PPHLN1: variants seen among roughly 807,000 people sequenced by gnomAD.
PPHLN1 encodes periphilin 1.
A neutral mutation model predicts 51.3 loss-of-function variants in PPHLN1; 29 were observed. The observed-to-expected ratio is 0.57, with a 90% CI of 0.42 to 0.77. The LOEUF (loss-of-function observed/expected upper bound fraction) is 0.77, where lower values mean the gene tolerates loss of function less well. PPHLN1 is among the 30% of genes least tolerant of loss of function. The pLI, the probability that PPHLN1 is intolerant of heterozygous loss-of-function variation, is 0.00. For synonymous variants in PPHLN1, 147 were observed against 147.8 expected (o/e 0.99, Z 0.04); for missense variants, 436 against 438.4 (o/e 0.99, Z 0.05).
Position 42,441,526 on chromosome 12 carries a change from T to TAAAAA in PPHLN1, c.*28_*32dup. On this transcript the variant is annotated 3_prime_UTR_variant, in exon 10 of 10. Transcript: ENST00000358314. ...CCTTTTTAGATTTTTCTGCTCAGGCTAAAAAAAAAAAAAAACAGTTTCTAA... is the reference window on the plus strand; with the variant it reads ...CCTTTTTAGATTTTTCTGCTCAGGCTAAAAAAAAAAAAAAAAAAAACAGTTTCTAA... 1 of 1,346,982 alleles carries TAAAAA rather than the reference T, an allele frequency of 7.4e-7. No homozygotes were observed. The highest frequency in any genetic ancestry group is 9.7e-7 in the Non-Finnish European group (1 of 1,030,722). The allele number at this position is 1,346,982 out of a possible 1,614,324, so 83.4% of individuals were successfully genotyped here.
intron 8 of PPHLN1, among the ~76,000 whole-genome samples, chr12:42,398,337 A>G (rs1358857114): frequency 1.3e-5 from 2 of 152,198 alleles, no homozygotes; most frequent in South Asian, 2.1e-4. Context: ...CTTTTCTCAT[A>G]TTCCCTTTAA....
chr12:42,374,743 C>T (rs548986381), intron 4 of PPHLN1, 120 bp from the exon 5 acceptor site: 78 of 829,662 alleles, frequency 9.4e-5, no homozygotes, highest in African/African-American at 6.9e-4. Flanking sequence ...CGTGAGTCAC[C>T]GCACCCGGCC....
chr12:42,385,209 A>G (rs1479106226), intron 6 of PPHLN1, among the ~76,000 whole-genome samples: 4 of 152,188 alleles, frequency 2.6e-5, no homozygotes, highest in Non-Finnish European at 5.9e-5. Context: ...ATTCTGTAGG[A>G]GGCTGAGATC....
At chr12:42,438,177 A>G (rs537848337) in intron 9 of PPHLN1, among the ~76,000 whole-genome samples, 1 of 152,296 alleles carries the variant, frequency 6.6e-6, no homozygotes, top group African/African-American at 2.4e-5. Flanking sequence ...ACTTATTTGG[A>G]TAAATACTTA....
rs535563332 is a variant in PPHLN1 at position 42,399,555 on chromosome 12, A to G, written c.909+561A>G. On this transcript the variant is annotated intron_variant, in intron 9 of 9. Coordinates refer to ENST00000358314, the MANE Select transcript of PPHLN1 (RefSeq NM_201439.2). ...GGTTTTATAAAATGTAACATTTTGT[A>G]CAGGTGCTTATTGATGTTGTTACTC... is the stretch of plus-strand genomic sequence containing the variant. The G allele has an allele frequency of 2.2e-4, 100 of 444,560 alleles. No individual in the cohort carries two copies. The South Asian group carries it at 7.8e-3, about 35-fold the overall frequency. 27.5% of individuals were successfully genotyped at this position (444,560 alleles called of 1,614,324 possible).
At chr12:42,375,108 C>T (rs1314846646) in intron 5 of PPHLN1, 34 bp downstream of exon 5, 3 of 1,464,240 alleles carry the variant, frequency 2.0e-6, no homozygotes, top group Non-Finnish European at 2.8e-6. Context: ...TTTTCTCTCA[C>T]AGTCTCCTCT....
chr12:42,342,772 C>A (rs1457778995), intron 2 of PPHLN1, among the ~76,000 whole-genome samples: 1 of 152,174 alleles, frequency 6.6e-6, no homozygotes, highest in African/African-American at 2.4e-5. Context: ...GCAGGGAGAA[C>A]AATATTGACT....
At chr12:42,347,609 GTC>G (rs2072548687) in intron 2 of PPHLN1, among the ~76,000 whole-genome samples, 2 of 152,146 alleles carry the variant, frequency 1.3e-5, no homozygotes, top group Non-Finnish European at 2.9e-5. Flanking sequence ...GTGAAATCCT[GTC>G]TCTACTAAAA....
intron 9 of PPHLN1, among the ~76,000 whole-genome samples, chr12:42,432,519 C>T (rs1389343334): frequency 6.6e-6 from 1 of 152,208 alleles, no homozygotes; most frequent in Non-Finnish European, 1.5e-5. Flanking sequence ...TCCACTATTT[C>T]TTGAATAACT....
At chr12:42,412,773 C>G (rs1017314867) in intron 9 of PPHLN1, among the ~76,000 whole-genome samples, 1 of 152,194 alleles carries the variant, frequency 6.6e-6, no homozygotes, top group Admixed American at 6.5e-5. Flanking sequence ...TTCACTGCAT[C>G]CACACCAACA....
chr12:42,427,082 C>T (rs1176710815), intron 9 of PPHLN1, among the ~76,000 whole-genome samples: 1 of 152,094 alleles, frequency 6.6e-6, no homozygotes. Flanking sequence ...TAATTACTTT[C>T]TTTTAGCCTT....
intron 9 of PPHLN1, chr12:42,432,002 T>TA: frequency 6.7e-7 from 1 of 1,485,986 alleles, no homozygotes; most frequent in Non-Finnish European, 9.4e-7. Flanking sequence ...GATTATCAAG[T>TA]ACGCTGTATG....
chr12:42,442,468 A>G (rs1452104), downstream of PPHLN1, among the ~76,000 whole-genome samples: 30,331 of 152,150 alleles, frequency 0.2, 3,415 homozygotes, highest in African/African-American at 0.3. Context: ...ATTACTCACA[A>G]ATTGTGTTGG....
chr12:42,438,898 G>A (rs899299356), intron 9 of PPHLN1, among the ~76,000 whole-genome samples: 2 of 152,150 alleles, frequency 1.3e-5, no homozygotes, highest in Non-Finnish European at 2.9e-5. Context: ...CACTGCGCCC[G>A]GCCCTCTTAT....
chr12:42,448,446 T>C (rs1459036130), downstream of PPHLN1: 2 of 152,226 alleles, frequency 1.3e-5, no homozygotes, highest in African/African-American at 4.8e-5. Context: ...TACATAATGT[T>C]CTTGATTAAA....
intron 2 of PPHLN1, among the ~76,000 whole-genome samples, chr12:42,341,983 T>G (rs1313997473): frequency 3.9e-5 from 6 of 152,156 alleles, no homozygotes; most frequent in Admixed American, 3.9e-4. Context: ...ACAGAAATTT[T>G]TATTTGGCCT....
intron 2 of PPHLN1, among the ~76,000 whole-genome samples, chr12:42,340,578 A>G (rs752613241): frequency 2.6e-5 from 4 of 152,234 alleles, no homozygotes; most frequent in Non-Finnish European, 5.9e-5. Flanking sequence ...GTCAGTCACA[A>G]GAGTTTATTC....
intron 4 of PPHLN1, among the ~76,000 whole-genome samples, chr12:42,356,673 A>G (rs1565810293): frequency 6.6e-6 from 1 of 152,228 alleles, no homozygotes; most frequent in Non-Finnish European, 1.5e-5. Flanking sequence ...GATAAAATTA[A>G]TCACCAAGTA....
chr12:42,427,250 A>G (rs2081582900), intron 9 of PPHLN1, among the ~76,000 whole-genome samples: 3 of 152,212 alleles, frequency 2.0e-5, no homozygotes, highest in South Asian at 2.1e-4. Context: ...ATAATTCTCA[A>G]ATATTTCTTT....
Sources: allele counts gnomAD v4.1 joint callset (sites outside exome capture counted in the v4.1 genomes callset), GRCh38; gene constraint gnomAD v4.1.1; transcripts MANE v1.5; gene names NCBI Gene and HGNC (gene_info 2026-07-23, HGNC 2026-07-21).